ZNF618: variants seen among roughly 807,000 people sequenced by gnomAD.
ZNF618 encodes the protein zinc finger protein 618, also known as neural precursor cell expressed, developmentally down-regulated 10.
A neutral mutation model predicts 103.0 loss-of-function variants in ZNF618; 34 were observed. That is an observed-to-expected ratio of 0.33 (90% confidence interval 0.25 to 0.44). ZNF618 has a LOEUF of 0.44. ZNF618 is among the 20% of genes least tolerant of loss of function. The probability of loss-of-function intolerance (pLI) is 1.00; values close to 1 mark genes in which losing one functional copy is unlikely to be tolerated. For missense variants in ZNF618, 1,059 were observed against 1,295.4 expected, an observed-to-expected ratio of 0.82 and a Z score of 2.80; for synonymous variants, 551 against 542.2, an observed-to-expected ratio of 1.02 and a Z score of -0.23.
At chr9:113,888,429 C>G (rs996680685) in intron 1 of ZNF618, among the ~76,000 whole-genome samples, 1 of 152,238 alleles carries the variant, frequency 6.6e-6, no homozygotes, top group Non-Finnish European at 1.5e-5. Flanking sequence ...GCTCACAAAG[C>G]CTTTAATACC....
Position 114,054,782 on chromosome 9 carries a change from C to T in ZNF618, c.*4615C>T, listed in dbSNP as rs1213475695. The T allele has an allele frequency of 6.5e-6, 1 of 152,714 alleles. No homozygotes were observed. The highest frequency in any genetic ancestry group is 1.9e-4 in the East Asian group (1 of 5,192). 9.5% of individuals were successfully genotyped at this position (152,714 alleles called of 1,614,324 possible). On this transcript the variant is annotated 3_prime_UTR_variant, in exon 15 of 15. Transcript: ENST00000374126. Reference sequence around the variant, plus strand: ...TTTTGTTGTAGTAGTTGCTTTTCTTCCTCTCTCATTTGGGTTTGAGGATTG... The same window carrying T: ...TTTTGTTGTAGTAGTTGCTTTTCTTTCTCTCTCATTTGGGTTTGAGGATTG...
In ZNF618 at chr9:114,051,185, GC is replaced by G. The variant is rs1327308499; in HGVS notation, c.*1022del. 2.6e-5 allele frequency: 4 copies of G among 152,380 alleles called. No individual in the cohort carries two copies. Among genetic ancestry groups the G allele is most frequent in the Non-Finnish European group, 5.9e-5 (4 of 68,026 alleles). 9.4% of individuals were successfully genotyped at this position (152,380 alleles called of 1,614,324 possible). ...GTTTTGGAGTTTTGTTTTTTTACTT[GC>G]CCCTTTTGTTCCTCAAGTCACACTG... On this transcript the variant is annotated 3_prime_UTR_variant, in exon 15 of 15. Transcript: ENST00000374126.
chr9:114,032,047 T>C (rs891413563), intron 11 of ZNF618, among the ~76,000 whole-genome samples: 1 of 152,184 alleles, frequency 6.6e-6, no homozygotes, highest in African/African-American at 2.4e-5. Context: ...ACCCCAGTAG[T>C]CACTCAGGGG....
rs901164838 is a variant in ZNF618 at position 114,056,527 on chromosome 9, T to A, written c.*6360T>A. 1.3e-5 allele frequency: 2 copies of A among 152,240 alleles called. No homozygotes were observed. Among genetic ancestry groups the A allele is most frequent in the Non-Finnish European group, 2.9e-5 (2 of 68,038 alleles). The allele number at this position is 152,240 out of a possible 1,614,324, so 9.4% of individuals were successfully genotyped here. On this transcript the variant is annotated 3_prime_UTR_variant, in exon 15 of 15. Transcript: ENST00000374126. Reference sequence around the variant, plus strand: ...GATAACTTTTAACAGTTAGAGAGGATCAGTTGCTTAAATGATTTCATGTCA... The same window carrying A: ...GATAACTTTTAACAGTTAGAGAGGAACAGTTGCTTAAATGATTTCATGTCA...
intron 1 of ZNF618, among the ~76,000 whole-genome samples, chr9:113,915,020 C>T (rs865958373): frequency 5.3e-5 from 8 of 152,194 alleles, no homozygotes; most frequent in African/African-American, 1.9e-4. Flanking sequence ...CATAAAATTG[C>T]TCATTTTCTC....
At chr9:113,999,121 C>T (rs1840913047) in intron 4 of ZNF618, among the ~76,000 whole-genome samples, 1 of 152,338 alleles carries the variant, frequency 6.6e-6, no homozygotes, top group Admixed American at 6.5e-5. Context: ...GTGAACTCTC[C>T]CCATGCCCCA....
intron 8 of ZNF618, 23 bp from the exon 9 acceptor site, chr9:114,008,454 A>C (rs777921735): frequency 6.2e-7 from 1 of 1,613,888 alleles, no homozygotes; most frequent in East Asian, 2.2e-5. Context: ...CCAGGGTGCT[A>C]AGGGCCGTGT....
At chr9:114,005,924 C>G (rs1052673261) in intron 6 of ZNF618, among the ~76,000 whole-genome samples, 3 of 152,240 alleles carry the variant, frequency 2.0e-5, no homozygotes, top group Non-Finnish European at 4.4e-5. Flanking sequence ...CTGCCCCACA[C>G]CTTGCCACCT....
chr9:113,978,031 C>T (rs1450075862), intron 2 of ZNF618, among the ~76,000 whole-genome samples: 1 of 152,190 alleles, frequency 6.6e-6, no homozygotes, highest in Non-Finnish European at 1.5e-5. Flanking sequence ...TTGTAGGTTA[C>T]TTTGAATTTC....
chr9:113,959,735 G>A (rs1266811796), intron 1 of ZNF618, among the ~76,000 whole-genome samples: 1 of 152,204 alleles, frequency 6.6e-6, no homozygotes, highest in African/African-American at 2.4e-5. Flanking sequence ...AGCTTCCTGA[G>A]TAGCTGGGAT....
intron 1 of ZNF618, among the ~76,000 whole-genome samples, chr9:113,965,097 A>G (rs1318483684): frequency 2.0e-5 from 3 of 151,568 alleles, no homozygotes; most frequent in Non-Finnish European, 1.5e-5. Context: ...TTTATTTCCA[A>G]TATTCCTGCT....
At chr9:113,938,708 A>G (rs1834267030) in intron 1 of ZNF618, among the ~76,000 whole-genome samples, 1 of 151,454 alleles carries the variant, frequency 6.6e-6, no homozygotes, top group South Asian at 2.1e-4. Flanking sequence ...AACTGGAATT[A>G]CAGGCATGTA....
intron 2 of ZNF618, among the ~76,000 whole-genome samples, chr9:113,975,548 C>T (rs1838392252): frequency 6.6e-6 from 1 of 152,178 alleles, no homozygotes; most frequent in African/African-American, 2.4e-5. Flanking sequence ...ATCCAAAATG[C>T]TCCAAAATCC....
chr9:113,982,974 G>A (rs1175180631), intron 2 of ZNF618, among the ~76,000 whole-genome samples: 1 of 152,126 alleles, frequency 6.6e-6, no homozygotes, highest in East Asian at 1.9e-4. Context: ...GTTTGACTTT[G>A]GATTTTATGT....
At chr9:114,016,455 ACCT>A (rs1245005006) in intron 9 of ZNF618, among the ~76,000 whole-genome samples, 3 of 151,938 alleles carry the variant, frequency 2.0e-5, no homozygotes. Context: ...TCCTATTATG[ACCT>A]CCGTTTTATA....
At chr9:113,933,104 A>G (rs1439821262) in intron 1 of ZNF618, among the ~76,000 whole-genome samples, 2 of 152,170 alleles carry the variant, frequency 1.3e-5, no homozygotes, top group Non-Finnish European at 2.9e-5. Context: ...GATCTGAGGA[A>G]TGTCCACTGG....
intron 4 of ZNF618, among the ~76,000 whole-genome samples, chr9:114,001,284 G>T (rs1178218014): frequency 2.0e-5 from 3 of 151,656 alleles, no homozygotes; most frequent in Non-Finnish European, 4.4e-5. Context: ...GGGCTGGGGG[G>T]GCCAGGCATT....
intron 13 of ZNF618, among the ~76,000 whole-genome samples, chr9:114,046,502 T>A (rs1469725402): frequency 6.6e-6 from 1 of 152,198 alleles, no homozygotes; most frequent in Non-Finnish European, 1.5e-5. Context: ...TTTATGATGT[T>A]TGCACAATGA....
Position 114,007,371 on chromosome 9 carries a change from A to G in ZNF618, c.572A>G (p.Asp191Gly). Residue 191 changes from aspartate to glycine, a missense_variant, in exon 7 of 15, where the codon GAT (aspartate) becomes GGT (glycine). Around this residue, in one of 6 missense-constraint regions of ZNF618, gnomAD observed 434 missense variants for 476.0 expected, o/e 0.91. Coordinates refer to ENST00000374126, the MANE Select transcript of ZNF618 (RefSeq NM_001318042.2). ...GCAGACAATTTCAGGTACACATGTG[A>G]TATCTGCGGGAAGAAGTACAAATAC... ...SQSNNFRYTC[D>G]ICGKKYKYYS... 1.2e-6 allele frequency: 2 copies of G among 1,613,884 alleles called. No homozygotes were observed. The highest frequency in any genetic ancestry group is 1.7e-6 in the Non-Finnish European group (2 of 1,179,854).
Sources: allele counts gnomAD v4.1 joint callset (sites outside exome capture counted in the v4.1 genomes callset), GRCh38; gene constraint gnomAD v4.1.1; regional missense constraint gnomAD v4.1.1; transcripts MANE v1.5; gene names NCBI Gene and HGNC (gene_info 2026-07-23, HGNC 2026-07-21).